WDR1: variants seen among roughly 807,000 people sequenced by gnomAD.
WDR1 encodes WD repeat domain 1, also known as WD repeat-containing protein 1.
In WDR1, 21 loss-of-function variants were observed where a neutral mutation model predicts 71.9. The observed-to-expected ratio is 0.29, with a 90% CI of 0.21 to 0.42. WDR1 has a LOEUF of 0.42. Among genes scored for constraint, WDR1 ranks in the 10% least tolerant of loss-of-function variants. WDR1 has a pLI of 1.00. For synonymous variants in WDR1, 424 were observed against 347.4 expected (o/e 1.22, Z -2.45); for missense variants, 696 against 824.5 (o/e 0.84, Z 1.91).
At chr4:10,094,455 T>C (rs747973419) in intron 5 of WDR1, among the ~76,000 whole-genome samples, 1 of 152,080 alleles carries the variant, frequency 6.6e-6, no homozygotes, top group Non-Finnish European at 1.5e-5. Context: ...GGAGTACCTA[T>C]CCCAGGAGCC....
chr4:10,099,177 TGGTGGGG>T, intron 3 of WDR1, 38 bp from the exon 4 acceptor site: 10 of 374,338 alleles, frequency 2.7e-5, no homozygotes, highest in East Asian at 1.1e-4. Flanking sequence ...GGGGAGGCGG[TGGTGGGG>T]TAAAGGGCAG....
At chr4:10,109,898 CCAGA>C (rs1185777439) in intron 2 of WDR1, among the ~76,000 whole-genome samples, 1 of 152,192 alleles carries the variant, frequency 6.6e-6, no homozygotes, top group Non-Finnish European at 1.5e-5. Flanking sequence ...CTGCCAGGGC[CCAGA>C]CAACCTTCTG....
intron 14 of WDR1, 129 bp downstream of exon 14, chr4:10,077,175 C>A (rs932132114): frequency 3.9e-6 from 5 of 1,275,086 alleles, no homozygotes; most frequent in South Asian, 3.1e-5. Flanking sequence ...ACAACTCTTC[C>A]GGGCCACCTG....
At position 10,075,065 on chromosome 4, in the gene WDR1, G is replaced by C. The variant is rs1012134040; in HGVS notation, c.*313C>G. The C allele has an allele frequency of 3.9e-5, 17 of 441,052 alleles. No homozygotes were observed. Among genetic ancestry groups the C allele is most frequent in the African/African-American group, 2.4e-4 (12 of 50,590 alleles). The allele number at this position is 441,052 out of a possible 1,614,324, so 27.3% of individuals were successfully genotyped here. On this transcript the variant is annotated 3_prime_UTR_variant, in exon 15 of 15. Coordinates refer to ENST00000499869, the MANE Select transcript of WDR1 (RefSeq NM_017491.5). ...GAGCCGCGGCGGGGCCAGGGGCTCT[G>C]TGTGCTTTGGAGGCTACTGCCTCTG...
chr4:10,097,169 G>A (rs934171831), intron 5 of WDR1, among the ~76,000 whole-genome samples: 3 of 152,260 alleles, frequency 2.0e-5, no homozygotes, highest in Non-Finnish European at 4.4e-5. Context: ...GCGCATGCAC[G>A]GCATGGGCCT....
chr4:10,078,586 G>T (rs1255911840), intron 12 of WDR1: 3 of 268,662 alleles, frequency 1.1e-5, no homozygotes, highest in African/African-American at 2.2e-5. Context: ...GCCACTCATG[G>T]GGCTGGCTCT....
At chr4:10,086,415 C>T (rs969174302) in intron 8 of WDR1, among the ~76,000 whole-genome samples, 1 of 152,216 alleles carries the variant, frequency 6.6e-6, no homozygotes, top group African/African-American at 2.4e-5. Flanking sequence ...ACAAAGGAAC[C>T]GTGACTCTAT....
At chr4:10,112,261 G>C (rs1014128697) in intron 2 of WDR1, among the ~76,000 whole-genome samples, 2 of 152,040 alleles carry the variant, frequency 1.3e-5, no homozygotes, top group African/African-American at 4.8e-5. Context: ...AAACTTAGAA[G>C]GAACCACCCC....
intron 8 of WDR1, 84 bp downstream of exon 8, chr4:10,087,623 C>T: frequency 7.4e-7 from 1 of 1,342,676 alleles, no homozygotes; most frequent in Non-Finnish European, 1.0e-6. Flanking sequence ...ACCTGGCTTC[C>T]CCTCGGTTCC....
At chr4:10,084,665 G>A in intron 8 of WDR1, 135 bp from the exon 9 acceptor site, 1 of 793,062 alleles carries the variant, frequency 1.3e-6, no homozygotes, top group Middle Eastern at 3.2e-4. Flanking sequence ...CAGGTGCTCT[G>A]AGGCCCCAGT....
At position 10,081,343 on chromosome 4, in the gene WDR1, A is replaced by C; in HGVS notation, c.1284+14T>G. 1 of 1,613,054 alleles carries C rather than the reference A, an allele frequency of 6.2e-7. No homozygotes were observed. Among genetic ancestry groups the C allele is most frequent in the Non-Finnish European group, 8.5e-7 (1 of 1,179,224 alleles). ...GCTGCAGGCTCCCACCCAAACACTAAGCCAGGTCCCTACCTGTCCAATGCA... is the reference window on the plus strand; with the variant it reads ...GCTGCAGGCTCCCACCCAAACACTACGCCAGGTCCCTACCTGTCCAATGCA... On this transcript the variant is annotated intron_variant, in intron 11 of 14. Coordinates refer to ENST00000499869, the MANE Select transcript of WDR1 (RefSeq NM_017491.5).
At position 10,075,054 on chromosome 4, in the gene WDR1, C is replaced by G; in HGVS notation, c.*324G>C. On this transcript the variant is annotated 3_prime_UTR_variant, in exon 15 of 15. Coordinates refer to ENST00000499869, the MANE Select transcript of WDR1 (RefSeq NM_017491.5). Reference sequence around the variant, plus strand: ...ACAGATAGTGAGAGCCGCGGCGGGGCCAGGGGCTCTGTGTGCTTTGGAGGC... The same window carrying G: ...ACAGATAGTGAGAGCCGCGGCGGGGGCAGGGGCTCTGTGTGCTTTGGAGGC... 2.4e-6 allele frequency: 1 copy of G among 421,108 alleles called. No individual in the cohort carries two copies. The highest frequency in any genetic ancestry group is 4.2e-6 in the Non-Finnish European group (1 of 236,840). 26.1% of individuals were successfully genotyped at this position (421,108 alleles called of 1,614,324 possible).
intron 11 of WDR1, among the ~76,000 whole-genome samples, chr4:10,080,311 G>A (rs1260785407): frequency 6.6e-6 from 1 of 152,168 alleles, no homozygotes; most frequent in Non-Finnish European, 1.5e-5. Flanking sequence ...AAAGCCCCAT[G>A]TGCAGACCCC....
In WDR1 at chr4:10,088,089, C is replaced by T. The variant is rs991964526; in HGVS notation, c.718-149G>A. ...CATGAGTGAGGCCAAGGACAACACC[C>T]GCCTCCAGGTCTCCCGTTCCAGCCA... On this transcript the variant is annotated intron_variant, in intron 7 of 14. Coordinates refer to ENST00000499869, the MANE Select transcript of WDR1 (RefSeq NM_017491.5). The T allele has an allele frequency of 2.6e-5, 23 of 888,716 alleles. No homozygotes were observed. The highest frequency in any genetic ancestry group is 1.5e-4 in the African/African-American group (9 of 59,576). The allele number at this position is 888,716 out of a possible 1,614,324, so 55.1% of individuals were successfully genotyped here. A position where few individuals can be genotyped will look rare whatever the true frequency, so the allele number is the denominator to read the frequency against.
intron 2 of WDR1, among the ~76,000 whole-genome samples, chr4:10,111,349 G>A (rs746412482): frequency 3.9e-5 from 6 of 152,128 alleles, no homozygotes; most frequent in Non-Finnish European, 5.9e-5. Context: ...GAAGCCCAGC[G>A]TCCTGACTGG....
At chr4:10,093,361 C>G (rs1712130187) in intron 5 of WDR1, among the ~76,000 whole-genome samples, 1 of 152,240 alleles carries the variant, frequency 6.6e-6, no homozygotes, top group African/African-American at 2.4e-5. Flanking sequence ...CTCCACGACC[C>G]TTGGTCAATG....
intron 2 of WDR1, among the ~76,000 whole-genome samples, chr4:10,106,146 G>C (rs1713000136): frequency 6.6e-6 from 1 of 152,176 alleles, no homozygotes; most frequent in Non-Finnish European, 1.5e-5. Flanking sequence ...CGGAGTGACA[G>C]GAATGTTCTG....
chr4:10,102,063 C>T (rs1055123675), intron 3 of WDR1, among the ~76,000 whole-genome samples: 1 of 152,132 alleles, frequency 6.6e-6, no homozygotes, highest in East Asian at 1.9e-4. Flanking sequence ...ACCGTGACCT[C>T]AGCTGACCGC....
intron 2 of WDR1, among the ~76,000 whole-genome samples, chr4:10,104,296 AC>A (rs2108797897): frequency 6.6e-6 from 1 of 152,262 alleles, no homozygotes; most frequent in East Asian, 1.9e-4. Context: ...TGAAACAGAT[AC>A]ACAAAAGGTG....
Sources: gnomAD v4.1 joint callset for allele counts (sites outside exome capture counted in the v4.1 genomes callset) on GRCh38, gnomAD v4.1.1 for gene constraint, MANE v1.5 for transcripts, NCBI Gene and HGNC (gene_info 2026-07-23, HGNC 2026-07-21) for gene names.